Variants in TXNDC11 observed in about 807,000 individuals in gnomAD.
The protein encoded by TXNDC11 is thioredoxin domain-containing protein 11.
Under a neutral mutation model 78.0 loss-of-function variants are expected in TXNDC11, and 68 were observed. The ratio of observed to expected loss-of-function variants is 0.87; its 90% CI spans 0.72 to 1.07. The LOEUF (loss-of-function observed/expected upper bound fraction) is 1.07, where lower values mean the gene tolerates loss of function less well. Among genes scored for constraint, TXNDC11 ranks in the 50% least tolerant of loss-of-function variants. The probability of loss-of-function intolerance (pLI) is 0.00; values close to 1 mark genes in which losing one functional copy is unlikely to be tolerated. For missense variants in TXNDC11, 1,389 were observed against 1,221.8 expected, an observed-to-expected ratio of 1.14 and a Z score of -2.04; for synonymous variants, 571 against 495.2, an observed-to-expected ratio of 1.15 and a Z score of -2.03.
At chr16:11,714,122 G>A (rs2051450370) in intron 5 of TXNDC11, among the ~76,000 whole-genome samples, 1 of 151,882 alleles carries the variant, frequency 6.6e-6, no homozygotes, top group South Asian at 2.1e-4. Context: ...GCTCACTGCA[G>A]CCCTGACTTC....
rs1378323092 is a variant in TXNDC11 at position 11,688,321 on chromosome 16, T to C, written c.2025A>G (p.Glu675=). 39 of 1,613,866 alleles carry C rather than the reference T, an allele frequency of 2.4e-5. No homozygotes were observed. The highest frequency in any genetic ancestry group is 3.1e-5 in the Non-Finnish European group (37 of 1,179,974). ...ITEVTTDTFW[E]VVLQKQDVLL... is the part of the protein sequence containing the mutation. ...TCCATACCTGTTTTTGAAGGACTAC[T>C]TCCCAAAAGGTATCAGTTGTCACTT... is the stretch of plus-strand genomic sequence containing the variant. The change falls in exon 9 of 12, where the codon GAA becomes GAG. Residue 675 remains glutamate, a synonymous_variant. Transcript: ENST00000283033.
chr16:11,739,241 T>C (rs1388751131), intron 1 of TXNDC11, among the ~76,000 whole-genome samples: 1 of 152,176 alleles, frequency 6.6e-6, no homozygotes, highest in African/African-American at 2.4e-5. Context: ...TCAGAAACAC[T>C]GGTGAGTTTC....
intron 2 of TXNDC11, among the ~76,000 whole-genome samples, chr16:11,735,171 C>A (rs1045540671): frequency 6.6e-6 from 1 of 152,096 alleles, no homozygotes; most frequent in Non-Finnish European, 1.5e-5. Context: ...CAGGATTTTA[C>A]CAAGACTGTT....
At chr16:11,688,107 C>T in intron 9 of TXNDC11, 141 bp from the exon 10 acceptor site, 2 of 894,666 alleles carry the variant, frequency 2.2e-6, no homozygotes, top group Admixed American at 4.9e-5. Flanking sequence ...ATCTTTAGGT[C>T]TTTCCAATAC....
Position 11,721,677 on chromosome 16 carries a change from G to A in TXNDC11, c.700-7C>T. 1 of 1,593,834 alleles carries A rather than the reference G, an allele frequency of 6.3e-7. No homozygotes were observed. Among genetic ancestry groups the A allele is most frequent in the Non-Finnish European group, 8.6e-7 (1 of 1,163,728 alleles). ...AGTACCCGAGTACTCCAGGCTGCAG[G>A]AAAAAGAGCAGAATTAGGTAACTGA... is the stretch of plus-strand genomic sequence containing the variant. On this transcript the variant is annotated splice_polypyrimidine_tract_variant and splice_region_variant and intron_variant, in intron 4 of 11. Coordinates refer to ENST00000283033, the MANE Select transcript of TXNDC11 (RefSeq NM_015914.7).
chr16:11,681,297 A>G (rs573645280), intron 11 of TXNDC11, among the ~76,000 whole-genome samples: 1 of 152,366 alleles, frequency 6.6e-6, no homozygotes, highest in African/African-American at 2.4e-5. Flanking sequence ...CTGGTCTTGT[A>G]AGGCAGAGTA....
At position 11,691,839 on chromosome 16, in the gene TXNDC11, C is replaced by G. The variant is rs752545906; in HGVS notation, c.1351G>C (p.Gly451Arg). Residue 451 changes from glycine (G) to arginine (R), a missense_variant, in exon 8 of 12, where the codon GGG becomes CGG. By Grantham distance (125) the Gly-to-Arg change is moderately radical. Coordinates refer to ENST00000283033, the MANE Select transcript of TXNDC11 (RefSeq NM_015914.7). ...CTGACCGAGCTCGGCTTCATGCCCC[C>G]GGAGGTCTGGTTGACACAGAGTTCA... The part of the protein sequence containing the change: ...VCELCVNQTS[G>R]GMKPSSVSVP... 1.5e-5 allele frequency: 24 copies of G among 1,614,126 alleles called. No individual in the cohort carries two copies. The highest frequency in any genetic ancestry group is 5.5e-5 in the South Asian group (5 of 91,094).
chr16:11,727,441 T>C (rs977060714), intron 4 of TXNDC11, among the ~76,000 whole-genome samples: 3 of 152,212 alleles, frequency 2.0e-5, no homozygotes, highest in Admixed American at 6.5e-5. Context: ...CTGAAATCCA[T>C]ATTGATAAAA....
chr16:11,685,162 G>C (rs892669154), intron 10 of TXNDC11, among the ~76,000 whole-genome samples: 2 of 152,320 alleles, frequency 1.3e-5, no homozygotes, highest in South Asian at 2.1e-4. Context: ...CCAGGAGTTC[G>C]AGACTAGCCT....
intron 4 of TXNDC11, among the ~76,000 whole-genome samples, chr16:11,728,992 C>A (rs1045207904): frequency 2.0e-5 from 3 of 151,760 alleles, no homozygotes; most frequent in African/African-American, 7.3e-5. Context: ...CAGAGTGAGA[C>A]CATCTCTAAA....
In TXNDC11 at chr16:11,734,022, G is replaced by T. The variant is rs2052139755; in HGVS notation, c.529C>A (p.His177Asn). 3.7e-6 allele frequency: 6 copies of T among 1,606,202 alleles called. No individual in the cohort carries two copies. The highest frequency in any genetic ancestry group is 5.1e-6 in the Non-Finnish European group (6 of 1,178,382). ...WNQGKCRKQK[H>N]FFYFPVIYLY... ...TATATTACAGGAAAATAAAAGAAGT[G>T]TTTCTGTTTTCTGCATTTCCCCTGG... The change falls in exon 3 of 12, where the codon CAC (histidine) becomes AAC (asparagine). Residue 177 changes from histidine to asparagine, a missense_variant. Physicochemically the swap from His to Asn is moderately conservative, Grantham distance 68. Coordinates refer to ENST00000283033, the MANE Select transcript of TXNDC11 (RefSeq NM_015914.7).
intron 5 of TXNDC11, among the ~76,000 whole-genome samples, chr16:11,713,380 C>T (rs2051425799): frequency 6.6e-6 from 1 of 151,558 alleles, no homozygotes; most frequent in Admixed American, 6.6e-5. Flanking sequence ...CTGAATTAAA[C>T]AGTCAGTTTT....
chr16:11,712,563 G>A (rs1012728889), intron 5 of TXNDC11, among the ~76,000 whole-genome samples: 8 of 152,092 alleles, frequency 5.3e-5, no homozygotes, highest in Admixed American at 5.2e-4. Context: ...TCCTCAAATG[G>A]TTGTTGAATT....
chr16:11,711,609 C>A (rs1433679483), intron 5 of TXNDC11, among the ~76,000 whole-genome samples: 1 of 152,214 alleles, frequency 6.6e-6, no homozygotes, highest in Non-Finnish European at 1.5e-5. Context: ...ACACTGAGCC[C>A]ACCCCAGTAA....
rs2050723355 is a variant in TXNDC11 at position 11,691,756 on chromosome 16, CT to C, written c.1433del (p.Lys478ArgfsTer13). 5 of 1,614,102 alleles carry C rather than the reference CT, an allele frequency of 3.1e-6. No individual in the cohort carries two copies. The highest frequency in any genetic ancestry group is 4.2e-6 in the Non-Finnish European group (5 of 1,180,050). The part of the protein sequence containing the change: ...MAAALDSFYL[K>X]EQTFYHVASD... ...ATGCCACATGATAAAAGGTCTGCTC[CT>C]TGAGGTAGAAAGAATCCAGAGCTGC... On this transcript the variant is annotated frameshift_variant, in exon 8 of 12. Coordinates refer to ENST00000283033, the MANE Select transcript of TXNDC11 (RefSeq NM_015914.7). LOFTEE classifies it high-confidence loss of function.
intron 11 of TXNDC11, among the ~76,000 whole-genome samples, chr16:11,682,154 T>G (rs1488788242): frequency 6.6e-6 from 1 of 152,266 alleles, no homozygotes; most frequent in African/African-American, 2.4e-5. Context: ...ACAGCCTTTT[T>G]CATTTCCTCT....
chr16:11,687,074 G>T (rs1402140172), intron 10 of TXNDC11, among the ~76,000 whole-genome samples: 1 of 152,070 alleles, frequency 6.6e-6, no homozygotes, highest in Non-Finnish European at 1.5e-5. Flanking sequence ...AGAGACACTG[G>T]AAAATATATT....
intron 9 of TXNDC11, 45 bp from the exon 10 acceptor site, chr16:11,688,011 C>A (rs1331909486): frequency 7.2e-7 from 1 of 1,396,302 alleles, no homozygotes; most frequent in Non-Finnish European, 1.0e-6. Context: ...GGGAAATGGG[C>A]TCTTCTTCAT....
intron 4 of TXNDC11, among the ~76,000 whole-genome samples, chr16:11,722,885 C>G (rs2051753133): frequency 6.6e-6 from 1 of 152,170 alleles, no homozygotes. Context: ...GTAGAATATA[C>G]TATCTTTCCA....
Sources: allele counts gnomAD v4.1 joint callset (sites outside exome capture counted in the v4.1 genomes callset), GRCh38; gene constraint gnomAD v4.1.1; transcripts MANE v1.5; gene names NCBI Gene and HGNC (gene_info 2026-07-23, HGNC 2026-07-21).